NEK11: variants seen among roughly 807,000 people sequenced by gnomAD.
The protein encoded by NEK11 is NIMA related kinase 11.
Under a neutral mutation model 80.7 loss-of-function variants are expected in NEK11, and 72 were observed. The ratio of observed to expected loss-of-function variants is 0.89; its 90% CI spans 0.74 to 1.08. The LOEUF is 1.08. NEK11 is among the 50% of genes least tolerant of loss of function. NEK11 has a pLI of 0.00. For missense variants in NEK11, 764 were observed against 763.6 expected (o/e 1.00, Z -0.01); for synonymous variants, 251 against 260.7 (o/e 0.96, Z 0.36).
At chr3:131,032,749 AAT>A (rs2065058050) in intron 3 of NEK11, among the ~76,000 whole-genome samples, 1 of 152,224 alleles carries the variant, frequency 6.6e-6, no homozygotes, top group African/African-American at 2.4e-5. Context: ...ATAGGATTGT[AAT>A]AAGAATACGA....
chr3:131,123,221 C>T (rs894178225), intron 5 of NEK11, among the ~76,000 whole-genome samples: 4 of 152,032 alleles, frequency 2.6e-5, no homozygotes, highest in Admixed American at 6.5e-5. Flanking sequence ...GGGTGGAGTG[C>T]AATGGCATGA....
chr3:131,349,651 CGCGAGTGTTTGGAA>C lies in NEK11; in HGVS notation c.1814_1827del (p.Arg605GlnfsTer11). 6.2e-7 allele frequency: 1 copy of C among 1,614,038 alleles called. No homozygotes were observed. Among genetic ancestry groups the C allele is most frequent in the Non-Finnish European group, 8.5e-7 (1 of 1,180,000 alleles). On this transcript the variant is annotated frameshift_variant, in exon 18 of 18. Transcript: ENST00000383366. LOFTEE classifies it low-confidence loss of function (END_TRUNC). Reference sequence around the variant, plus strand: ...TCAGAATGCTAGCGAAGCAGAGATCCGCGAGTGTTTGGAAAAAGTGGTGCCTCAAGCCAGCGACT... The same window carrying C: ...TCAGAATGCTAGCGAAGCAGAGATCCAAAGTGGTGCCTCAAGCCAGCGACT...
At chr3:131,207,337 A>C (rs1302938250) in intron 14 of NEK11, among the ~76,000 whole-genome samples, 1 of 152,162 alleles carries the variant, frequency 6.6e-6, no homozygotes, top group African/African-American at 2.4e-5. Context: ...TAATCCCAGC[A>C]CTTTGGGAGG....
chr3:131,222,131 A>G (rs2095045998), intron 14 of NEK11, among the ~76,000 whole-genome samples: 1 of 152,194 alleles, frequency 6.6e-6, no homozygotes, highest in African/African-American at 2.4e-5. Flanking sequence ...AAAGATAATC[A>G]TGACCTTTCT....
In NEK11 at chr3:131,143,430, A is replaced by G. The variant is rs115489829; in HGVS notation, c.648-8958A>G. 3.5e-3 allele frequency among the ~76,000 whole-genome samples: 526 copies of G among 152,318 alleles called. 1 individual carries two copies. Among genetic ancestry groups the G allele is most frequent in the African/African-American group, 0.012 (498 of 41,584 alleles). ...TTTGTGTTCCTTCACTTGCACAGCA[A>G]GGTTCAAGGGGACACCTTATAACTT... On this transcript the variant is annotated intron_variant, in intron 7 of 17. Transcript: ENST00000383366.
chr3:131,043,609 C>T (rs2066877674), intron 3 of NEK11, among the ~76,000 whole-genome samples: 1 of 152,164 alleles, frequency 6.6e-6, no homozygotes, highest in Non-Finnish European at 1.5e-5. Context: ...AAATATGGGA[C>T]TATGTGAACA....
At chr3:131,105,987 C>A (rs986157943) in intron 4 of NEK11, among the ~76,000 whole-genome samples, 2 of 152,142 alleles carry the variant, frequency 1.3e-5, no homozygotes, top group Non-Finnish European at 1.5e-5. Flanking sequence ...TGTATACTTG[C>A]ATATAAAGTT....
intron 14 of NEK11, among the ~76,000 whole-genome samples, chr3:131,206,145 G>A (rs888699411): frequency 2.0e-5 from 3 of 152,152 alleles, no homozygotes; most frequent in African/African-American, 4.8e-5. Context: ...TGGTTACCTG[G>A]TTCTGTCCAT....
In NEK11 at chr3:131,077,065, G is replaced by A. The variant is rs10512796; in HGVS notation, c.171-3358G>A. The stretch of plus-strand genomic sequence containing the variant: ...GAATGAAATTAGCCATAGTTATCCC[G>A]AATTTCCAAAGTTATTCTCAAAGTT... On this transcript the variant is annotated intron_variant, in intron 3 of 17. Coordinates refer to ENST00000383366, the MANE Select transcript of NEK11 (RefSeq NM_024800.5). Among the ~76,000 whole-genome samples, 1,386 of 152,182 alleles carry A rather than the reference G, an allele frequency of 9.1e-3. 10 individuals carry two copies. The highest frequency in any genetic ancestry group is 0.02 in the Middle Eastern group (6 of 294).
At chr3:131,323,201 T>C (rs576412553) in intron 17 of NEK11, among the ~76,000 whole-genome samples, 24 of 152,320 alleles carry the variant, frequency 1.6e-4, no homozygotes, top group African/African-American at 5.5e-4. Context: ...AATTTTCTCT[T>C]TTGGCTTCAG....
intron 2 of NEK11, 149 bp from the exon 3 acceptor site, chr3:131,029,464 A>G (rs1460125564): frequency 6.2e-6 from 2 of 320,392 alleles, no homozygotes; most frequent in Non-Finnish European, 1.1e-5. Flanking sequence ...AATTTGTGGT[A>G]TCTCTACCTT....
chr3:131,332,938 A>G (rs1453600724), intron 17 of NEK11, among the ~76,000 whole-genome samples: 2 of 151,934 alleles, frequency 1.3e-5, no homozygotes, highest in African/African-American at 2.4e-5. Flanking sequence ...AAAGAAATGA[A>G]CAAAGCCTCC....
chr3:131,293,292 A>T (rs1041937911), intron 17 of NEK11, among the ~76,000 whole-genome samples: 8 of 152,070 alleles, frequency 5.3e-5, no homozygotes, highest in African/African-American at 1.9e-4. Context: ...AATTTTTATC[A>T]TGAATGGGTG....
chr3:131,150,885 G>A (rs929030406), intron 7 of NEK11, among the ~76,000 whole-genome samples: 6 of 151,892 alleles, frequency 4.0e-5, no homozygotes, highest in Non-Finnish European at 7.4e-5. Flanking sequence ...TGCTGGTAAT[G>A]AAATCTCTGT....
At chr3:131,322,642 G>A (rs139589965) in intron 17 of NEK11, among the ~76,000 whole-genome samples, 5 of 152,292 alleles carry the variant, frequency 3.3e-5, no homozygotes, top group African/African-American at 1.2e-4. Context: ...GTGATTAGTA[G>A]GTCTGAGGAG....
At chr3:131,103,947 A>G (rs2078780303) in intron 4 of NEK11, among the ~76,000 whole-genome samples, 1 of 152,196 alleles carries the variant, frequency 6.6e-6, no homozygotes, top group African/African-American at 2.4e-5. Context: ...AATGGCATAC[A>G]GCCTGCCAGT....
At chr3:131,293,497 T>G (rs1384348390) in intron 17 of NEK11, among the ~76,000 whole-genome samples, 7 of 152,120 alleles carry the variant, frequency 4.6e-5, no homozygotes, top group African/African-American at 1.7e-4. Flanking sequence ...TTGCAAATAT[T>G]TTGTTAAAAC....
intron 15 of NEK11, among the ~76,000 whole-genome samples, chr3:131,234,915 C>A (rs1195199264): frequency 2.0e-5 from 3 of 151,518 alleles, no homozygotes; most frequent in Admixed American, 1.3e-4. Flanking sequence ...GTCATTAAGT[C>A]TTTAAAATTA....
intron 4 of NEK11, among the ~76,000 whole-genome samples, chr3:131,099,912 A>C (rs1391456363): frequency 6.6e-6 from 1 of 152,200 alleles, no homozygotes; most frequent in East Asian, 1.9e-4. Context: ...TACTGTCAGC[A>C]AAGAGAGATA....
Sources: allele counts gnomAD v4.1 joint callset (sites outside exome capture counted in the v4.1 genomes callset), GRCh38; gene constraint gnomAD v4.1.1; transcripts MANE v1.5; gene names NCBI Gene and HGNC (gene_info 2026-07-23, HGNC 2026-07-21).